The following GPC5 variants were observed in gnomAD, a reference collection of about 807,000 sequenced individuals.
GPC5 encodes glypican 5.
Under a neutral mutation model 53.9 loss-of-function variants are expected in GPC5, and 47 were observed. The ratio of observed to expected loss-of-function variants is 0.87; its 90% CI spans 0.69 to 1.11. The LOEUF (loss-of-function observed/expected upper bound fraction) is 1.11, where lower values mean the gene tolerates loss of function less well. Among genes scored for constraint, GPC5 ranks in the 50% most tolerant of loss-of-function variants. The probability of loss-of-function intolerance (pLI) is 0.00; values close to 1 mark genes in which losing one functional copy is unlikely to be tolerated. For synonymous variants in GPC5, 286 were observed against 263.3 expected, an observed-to-expected ratio of 1.09 and a Z score of -0.84; for missense variants, 748 against 713.1, an observed-to-expected ratio of 1.05 and a Z score of -0.56.
chr13:91,632,666 C>G (rs1403083570), intron 2 of GPC5, among the ~76,000 whole-genome samples: 1 of 151,926 alleles, frequency 6.6e-6, no homozygotes, highest in Non-Finnish European at 1.5e-5. Flanking sequence ...GAAAGAAGTA[C>G]AAAACAGTAG....
At chr13:91,766,611 C>G (rs2037529596) in intron 5 of GPC5, among the ~76,000 whole-genome samples, 1 of 152,070 alleles carries the variant, frequency 6.6e-6, no homozygotes, top group Non-Finnish European at 1.5e-5. Context: ...GCCTGTAATC[C>G]CAGCGCTTCG....
chr13:91,796,945 C>T (rs1459918193), intron 5 of GPC5, among the ~76,000 whole-genome samples: 7 of 152,008 alleles, frequency 4.6e-5, no homozygotes. Flanking sequence ...TATTTGTTAC[C>T]TGTGCTTGGT....
intron 7 of GPC5, among the ~76,000 whole-genome samples, chr13:92,247,743 T>C (rs1042736535): frequency 6.6e-6 from 1 of 152,106 alleles, no homozygotes; most frequent in African/African-American, 2.4e-5. Flanking sequence ...TATGTTTAAC[T>C]ACCATATAAT....
chr13:92,846,789 A>G (rs1417839378), intron 7 of GPC5, among the ~76,000 whole-genome samples: 3 of 152,236 alleles, frequency 2.0e-5, no homozygotes, highest in African/African-American at 7.2e-5. Context: ...ATTTTGCTTC[A>G]TGCATCCAAG....
At chr13:92,503,795 G>T (rs577947616) in intron 7 of GPC5, among the ~76,000 whole-genome samples, 1 of 151,898 alleles carries the variant, frequency 6.6e-6, no homozygotes, top group Non-Finnish European at 1.5e-5. Flanking sequence ...CTCAAAGCCA[G>T]AAATCACCAA....
chr13:91,734,413 C>A (rs963841396), intron 4 of GPC5, among the ~76,000 whole-genome samples: 1 of 150,526 alleles, frequency 6.6e-6, no homozygotes, highest in Non-Finnish European at 1.5e-5. Context: ...GGTCTGTGGA[C>A]TGAATGTCCC....
At chr13:91,447,388 T>G (rs1411529524) in intron 1 of GPC5, among the ~76,000 whole-genome samples, 2 of 152,062 alleles carry the variant, frequency 1.3e-5, no homozygotes, top group Non-Finnish European at 2.9e-5. Context: ...TTACGTAACT[T>G]TAGGTAAGAT....
At chr13:91,945,642 T>C (rs1442166091) in intron 6 of GPC5, among the ~76,000 whole-genome samples, 5 of 152,252 alleles carry the variant, frequency 3.3e-5, no homozygotes, top group African/African-American at 2.4e-5. Context: ...AGGAAAGGGG[T>C]TGTAGAATGT....
rs5805730 is a variant in GPC5 at position 92,150,891 on chromosome 13, T to TAA, written c.1561+5916_1561+5917dup. ...GTAACTATATGATCAATAGAGGAAG[T>TAA]AAAAAAAAAAAAAAATTCAAGCAAA... On this transcript the variant is annotated intron_variant, in intron 7 of 7. Coordinates refer to ENST00000377067, the MANE Select transcript of GPC5 (RefSeq NM_004466.6). 1.5e-3 allele frequency among the ~76,000 whole-genome samples: 220 copies of TAA among 145,034 alleles called. 1 individual carries two copies. The highest frequency in any genetic ancestry group is 7.0e-3 in the Middle Eastern group (2 of 286).
At chr13:91,775,792 G>A (rs1305531808) in intron 5 of GPC5, among the ~76,000 whole-genome samples, 1 of 152,032 alleles carries the variant, frequency 6.6e-6, no homozygotes, top group Admixed American at 6.6e-5. Context: ...TCTTTTACTA[G>A]ATTACTCCAT....
intron 7 of GPC5, among the ~76,000 whole-genome samples, chr13:92,223,195 C>A (rs2042461768): frequency 6.6e-6 from 1 of 152,086 alleles, no homozygotes; most frequent in African/African-American, 2.4e-5. Context: ...GACCTCAAAG[C>A]AATTCTGTTT....
intron 7 of GPC5, among the ~76,000 whole-genome samples, chr13:92,497,970 T>A (rs77404477): frequency 0.19 from 28,849 of 151,944 alleles, 2,734 homozygotes; most frequent in South Asian, 0.21. Flanking sequence ...AAGTTGCTTA[T>A]CAGTTTAAGG....
At chr13:92,747,936 G>A in intron 7 of GPC5, among the ~76,000 whole-genome samples, 1 of 152,106 alleles carries the variant, frequency 6.6e-6, no homozygotes, top group East Asian at 1.9e-4. Context: ...CACTTTGACT[G>A]CAGATTATTT....
At chr13:91,988,221 C>G (rs186618107) in intron 6 of GPC5, among the ~76,000 whole-genome samples, 96 of 152,006 alleles carry the variant, frequency 6.3e-4, no homozygotes, top group African/African-American at 2.2e-3. Flanking sequence ...ATAAAGATTA[C>G]AGAGGCATCA....
At chr13:92,748,267 T>C (rs1302584332) in intron 7 of GPC5, among the ~76,000 whole-genome samples, 2 of 150,806 alleles carry the variant, frequency 1.3e-5, no homozygotes, top group Admixed American at 6.6e-5. Flanking sequence ...AGACAAAGAT[T>C]ATTTTGGACT....
intron 2 of GPC5, among the ~76,000 whole-genome samples, chr13:91,552,109 A>G (rs2030674646): frequency 6.6e-6 from 1 of 152,074 alleles, no homozygotes; most frequent in South Asian, 2.1e-4. Flanking sequence ...AACATTATGT[A>G]CTGTATTTCC....
chr13:92,073,402 T>C (rs1270298658), intron 6 of GPC5, among the ~76,000 whole-genome samples: 1 of 152,220 alleles, frequency 6.6e-6, no homozygotes, highest in Non-Finnish European at 1.5e-5. Context: ...TATATACAGA[T>C]TTCTGATCCA....
chr13:92,292,704 G>T lies in GPC5; in HGVS notation c.1561+147715G>T, dbSNP rs141340734. 1.5e-3 allele frequency among the ~76,000 whole-genome samples: 222 copies of T among 152,138 alleles called. 3 individuals are homozygous for T. Among genetic ancestry groups the T allele is most frequent in the East Asian group, 3.7e-3 (19 of 5,184 alleles). On this transcript the variant is annotated intron_variant, in intron 7 of 7. Transcript: ENST00000377067. ...TCAGCAGTTTATCTTTGTTTTTGTTGCATTTGCTTTTGGGTTCTTGGTCAT... is the reference window on the plus strand; with the variant it reads ...TCAGCAGTTTATCTTTGTTTTTGTTTCATTTGCTTTTGGGTTCTTGGTCAT...
chr13:91,525,719 T>C (rs760635929), intron 2 of GPC5, among the ~76,000 whole-genome samples: 1 of 152,194 alleles, frequency 6.6e-6, no homozygotes, highest in Non-Finnish European at 1.5e-5. Flanking sequence ...TTTGATTTAA[T>C]ATATGTAGAG....
Sources: gnomAD v4.1 joint callset for allele counts (sites outside exome capture counted in the v4.1 genomes callset) on GRCh38, gnomAD v4.1.1 for gene constraint, MANE v1.5 for transcripts, NCBI Gene and HGNC (gene_info 2026-07-23, HGNC 2026-07-21) for gene names.